DNAH6: variants seen among roughly 807,000 people sequenced by gnomAD.
The protein encoded by DNAH6 is axonemal beta dynein heavy chain 6.
In DNAH6, 340 loss-of-function variants were observed where a neutral mutation model predicts 491.4. That is an observed-to-expected ratio of 0.69 (90% CI 0.63 to 0.76). The LOEUF is 0.76. Ranked by LOEUF, DNAH6 falls within the 30% of genes least tolerant of loss-of-function variation. The probability of loss-of-function intolerance (pLI) is 0.00; values close to 1 mark genes in which losing one functional copy is unlikely to be tolerated. For synonymous variants in DNAH6, 1,603 were observed against 1,686.1 expected, an observed-to-expected ratio of 0.95 and a Z score of 1.21; for missense variants, 4,443 against 4,972.2, an observed-to-expected ratio of 0.89 and a Z score of 3.20.
intron 75 of DNAH6, among the ~76,000 whole-genome samples, chr2:84,815,341 G>A (rs1364147863): frequency 1.3e-5 from 2 of 151,628 alleles, no homozygotes; most frequent in Non-Finnish European, 2.9e-5. Context: ...ATCCACTCAG[G>A]GTTTGAGGAA....
chr2:84,720,287 T>C (rs1180617470), intron 59 of DNAH6, among the ~76,000 whole-genome samples: 1 of 132,256 alleles, frequency 7.6e-6, no homozygotes, highest in African/African-American at 2.9e-5. Flanking sequence ...TTTTTTTTTT[T>C]TTTTTTTTTG....
intron 11 of DNAH6, among the ~76,000 whole-genome samples, chr2:84,560,438 GTTTT>G (rs1680526109): frequency 2.5e-5 from 1 of 39,562 alleles, no homozygotes; most frequent in Non-Finnish European, 1.1e-4. Context: ...TACAAAAATA[GTTTT>G]CTTTTTTTTT....
At chr2:84,630,659 G>A (rs1688316356) in intron 29 of DNAH6, among the ~76,000 whole-genome samples, 1 of 152,212 alleles carries the variant, frequency 6.6e-6, no homozygotes, top group Non-Finnish European at 1.5e-5. Context: ...TACCTTGCTT[G>A]TATCTTTGTC....
chr2:84,695,451 T>C (rs1383489236), intron 46 of DNAH6, among the ~76,000 whole-genome samples: 1 of 152,128 alleles, frequency 6.6e-6, no homozygotes. Context: ...GTTGGCAATA[T>C]GTAGGTAAAG....
At chr2:84,541,567 A>G (rs973668125) in intron 4 of DNAH6, among the ~76,000 whole-genome samples, 1 of 152,246 alleles carries the variant, frequency 6.6e-6, no homozygotes, top group African/African-American at 2.4e-5. Context: ...CAGGGTCAAG[A>G]AAAGATTTTC....
chr2:84,814,086 A>G lies in DNAH6; in HGVS notation c.12114A>G (p.Thr4038=). The G allele has an allele frequency of 6.4e-7, 1 of 1,551,578 alleles. No individual in the cohort carries two copies. The highest frequency in any genetic ancestry group is 1.2e-5 in the South Asian group (1 of 84,042). The change falls in exon 75 of 77, where the codon ACA becomes ACG. Residue 4038 remains threonine, a synonymous_variant. Transcript: ENST00000389394. The stretch of plus-strand genomic sequence containing the variant: ...CTGCAGTGATAGAAGCTGCCAAGAC[A>G]GTGCAATTTGGACAAGAACTGCCCA... ...DQAAVIEAAK[T]VQFGQELPMD...
intron 63 of DNAH6, among the ~76,000 whole-genome samples, chr2:84,752,781 G>T (rs766664689): frequency 2.0e-5 from 3 of 151,898 alleles, no homozygotes; most frequent in Non-Finnish European, 4.4e-5. Context: ...ACTATTGCGT[G>T]GATATGCCAC....
At chr2:84,799,764 T>C (rs1678707426) in intron 70 of DNAH6, among the ~76,000 whole-genome samples, 1 of 152,034 alleles carries the variant, frequency 6.6e-6, no homozygotes, top group South Asian at 2.1e-4. Context: ...AAAAAGGAAA[T>C]GGGGGTGTGA....
At chr2:84,582,548 T>G (rs1428817534) in intron 14 of DNAH6, among the ~76,000 whole-genome samples, 1 of 152,142 alleles carries the variant, frequency 6.6e-6, no homozygotes, top group Non-Finnish European at 1.5e-5. Flanking sequence ...GCCTCCCGGG[T>G]TCACGCCATT....
chr2:84,728,658 G>T (rs538150631), intron 61 of DNAH6, among the ~76,000 whole-genome samples: 1 of 152,152 alleles, frequency 6.6e-6, no homozygotes, highest in Non-Finnish European at 1.5e-5. Flanking sequence ...ACCCTCTCTT[G>T]CCTGGAGATG....
At chr2:84,752,360 T>A (rs76170864) in intron 63 of DNAH6, among the ~76,000 whole-genome samples, 3,326 of 152,222 alleles carry the variant, frequency 0.022, 123 homozygotes, top group African/African-American at 0.076. Context: ...CTCTATATCA[T>A]ACAGATTAAG....
Position 84,525,622 on chromosome 2 carries a change from C to A in DNAH6, c.283C>A (p.Arg95=). The stretch of plus-strand genomic sequence containing the variant: ...GCCAGAATACATACATGAACAGAAC[C>A]GATTTCAGTTAATGACTGCAGGAAT... ...KQPEYIHEQN[R]FQLMTAGIIK... The change falls in exon 3 of 77, where the codon CGA becomes AGA. Residue 95 remains arginine (R), a synonymous_variant. Coordinates refer to ENST00000389394, the MANE Select transcript of DNAH6 (RefSeq NM_001370.2). 6.5e-7 allele frequency: 1 copy of A among 1,550,144 alleles called. No homozygotes were observed. Among genetic ancestry groups the A allele is most frequent in the South Asian group, 1.2e-5 (1 of 83,904 alleles).
intron 4 of DNAH6, among the ~76,000 whole-genome samples, chr2:84,533,627 C>T (rs1677391417): frequency 6.6e-6 from 1 of 152,074 alleles, no homozygotes; most frequent in Non-Finnish European, 1.5e-5. Context: ...TATTAGTGGG[C>T]ATATCTATCC....
At chr2:84,780,771 C>T (rs1162068691) in intron 64 of DNAH6, among the ~76,000 whole-genome samples, 4 of 142,412 alleles carry the variant, frequency 2.8e-5, no homozygotes, top group African/African-American at 8.3e-5. Flanking sequence ...TCTGTCATTT[C>T]GTTGAGGCTT....
chr2:84,698,444 A>C (rs1001608806), intron 47 of DNAH6, among the ~76,000 whole-genome samples: 3 of 152,224 alleles, frequency 2.0e-5, no homozygotes, highest in Non-Finnish European at 4.4e-5. Context: ...TGAATATAAA[A>C]TGTACACTGT....
chr2:84,791,199 A>AG (rs1254467547), intron 68 of DNAH6, among the ~76,000 whole-genome samples: 1 of 151,532 alleles, frequency 6.6e-6, no homozygotes, highest in East Asian at 1.9e-4. Flanking sequence ...CAAAAAAAAA[A>AG]AGAAAAAAGA....
chr2:84,669,511 G>A lies in DNAH6; in HGVS notation c.6306+1G>A. 1 of 1,551,366 alleles carries A rather than the reference G, an allele frequency of 6.4e-7. No homozygotes were observed. Among genetic ancestry groups the A allele is most frequent in the South Asian group, 1.2e-5 (1 of 84,056 alleles). On this transcript the variant is annotated splice_donor_variant, in intron 38 of 76. Coordinates refer to ENST00000389394, the MANE Select transcript of DNAH6 (RefSeq NM_001370.2). LOFTEE classifies it high-confidence loss of function. ...TACTGGAATAACTGGAGTGGGCAAG[G>A]TAGGAAACTTACATCAAACAAGAAG...
chr2:84,708,474 A>AGG (rs1696690510), intron 54 of DNAH6, among the ~76,000 whole-genome samples: 1 of 42,346 alleles, frequency 2.4e-5, no homozygotes, highest in African/African-American at 1.3e-4. Flanking sequence ...AAAAGAGAGA[A>AGG]AGGGGGGGGG....
At chr2:84,607,570 T>C (rs988085409) in intron 21 of DNAH6, among the ~76,000 whole-genome samples, 3 of 152,266 alleles carry the variant, frequency 2.0e-5, no homozygotes, top group Admixed American at 2.0e-4. Context: ...CATTCATACC[T>C]CAAACCTCAG....
Sources: allele counts gnomAD v4.1 joint callset (sites outside exome capture counted in the v4.1 genomes callset), GRCh38; gene constraint gnomAD v4.1.1; transcripts MANE v1.5; gene names NCBI Gene and HGNC (gene_info 2026-07-23, HGNC 2026-07-21).